The following PAK1 variants were observed in gnomAD, a reference collection of about 807,000 sequenced individuals.
The protein encoded by PAK1 is serine/threonine-protein kinase PAK 1.
A neutral mutation model predicts 67.4 loss-of-function variants in PAK1; 29 were observed. The observed-to-expected ratio is 0.43, with a 90% confidence interval of 0.32 to 0.59. PAK1 has a LOEUF of 0.59. Ranked by LOEUF, PAK1 falls within the 20% of genes least tolerant of loss-of-function variation. PAK1 has a pLI of 0.07. For synonymous variants in PAK1, 223 were observed against 237.4 expected (o/e 0.94, Z 0.56); for missense variants, 337 against 670.7 (o/e 0.50, Z 5.50).
At chr11:77,354,261 C>T (rs115628411) in intron 7 of PAK1, among the ~76,000 whole-genome samples, 1 of 152,266 alleles carries the variant, frequency 6.6e-6, no homozygotes, top group East Asian at 1.9e-4. Context: ...ACTTCCCCCC[C>T]AAGGTCACAC....
chr11:77,352,306 A>T (rs1295622028), intron 8 of PAK1, among the ~76,000 whole-genome samples: 2 of 152,164 alleles, frequency 1.3e-5, no homozygotes, highest in Non-Finnish European at 2.9e-5. Flanking sequence ...ATCAAATGAG[A>T]CAGTATCTGC....
At chr11:77,400,998 T>C (rs141444766) in intron 1 of PAK1, among the ~76,000 whole-genome samples, 1,966 of 152,272 alleles carry the variant, frequency 0.013, 16 homozygotes, top group Non-Finnish European at 0.017. Context: ...ATAGAACCAC[T>C]ACACCACACT....
At chr11:77,475,173 T>C (rs1484577020), upstream of PAK1, 2 of 152,138 alleles carry the variant, frequency 1.3e-5, no homozygotes, top group African/African-American at 2.4e-5. Flanking sequence ...GGCCACCCAT[T>C]CAACAATCCC....
At chr11:77,396,747 A>C (rs141568648) in intron 1 of PAK1, among the ~76,000 whole-genome samples, 2 of 152,204 alleles carry the variant, frequency 1.3e-5, no homozygotes, top group African/African-American at 4.8e-5. Context: ...CACAGAACAC[A>C]ATTTTGTGCT....
intron 1 of PAK1, among the ~76,000 whole-genome samples, chr11:77,420,604 T>C (rs150142807): frequency 4.6e-5 from 7 of 152,324 alleles, no homozygotes; most frequent in Non-Finnish European, 8.8e-5. Flanking sequence ...CATCAGCAAA[T>C]TGTATCAACT....
chr11:77,482,337 G>A, the PAK1 span, among the ~76,000 whole-genome samples: 3 of 152,144 alleles, frequency 2.0e-5, no homozygotes, highest in Admixed American at 6.5e-5. Flanking sequence ...GATTGATAAC[G>A]TTTTCTTGGC....
intron 8 of PAK1, chr11:77,349,627 C>A: frequency 4.0e-6 from 1 of 248,790 alleles, no homozygotes; most frequent in Non-Finnish European, 8.1e-6. Flanking sequence ...TTGATTAGTT[C>A]ATGTAAAGTA....
At chr11:77,456,510 C>A (rs984737482) in intron 1 of PAK1, among the ~76,000 whole-genome samples, 1 of 152,044 alleles carries the variant, frequency 6.6e-6, no homozygotes, top group African/African-American at 2.4e-5. Context: ...TTTGTTTTCA[C>A]AAGGCTTATA....
intron 5 of PAK1, among the ~76,000 whole-genome samples, chr11:77,366,402 C>T (rs1470235886): frequency 6.6e-6 from 1 of 152,122 alleles, no homozygotes; most frequent in East Asian, 1.9e-4. Flanking sequence ...CCAATATATA[C>T]AGTACGTACA....
At chr11:77,325,216 A>AT in intron 14 of PAK1, 1 of 1,283,400 alleles carries the variant, frequency 7.8e-7, no homozygotes, top group South Asian at 1.4e-5. Context: ...AACAGACTAG[A>AT]TGAGCCCTAA....
chr11:77,378,746 C>A (rs1199748966), intron 4 of PAK1, among the ~76,000 whole-genome samples: 1 of 152,118 alleles, frequency 6.6e-6, no homozygotes, highest in Non-Finnish European at 1.5e-5. Flanking sequence ...CACCACCACA[C>A]CCGGCTAATT....
intron 1 of PAK1, among the ~76,000 whole-genome samples, chr11:77,472,885 A>C (rs1957933449): frequency 6.6e-6 from 1 of 152,206 alleles, no homozygotes; most frequent in African/African-American, 2.4e-5. Context: ...TATTCTTCCA[A>C]AACACTCCCA....
At chr11:77,415,616 T>TA (rs200909697) in intron 1 of PAK1, among the ~76,000 whole-genome samples, 64 of 147,972 alleles carry the variant, frequency 4.3e-4, no homozygotes, top group South Asian at 8.6e-4. Context: ...CATAAAAGAT[T>TA]AAAAAAAAAA....
chr11:77,406,291 T>C (rs1177483885), intron 1 of PAK1, among the ~76,000 whole-genome samples: 12 of 152,234 alleles, frequency 7.9e-5, no homozygotes, highest in Admixed American at 7.9e-4. Flanking sequence ...TTCTCATCAG[T>C]ACCTCAAATC....
chr11:77,429,617 C>T (rs1015202707), intron 1 of PAK1, among the ~76,000 whole-genome samples: 1 of 152,208 alleles, frequency 6.6e-6, no homozygotes, highest in Non-Finnish European at 1.5e-5. Flanking sequence ...TTCTATAAAA[C>T]ACCTGCTTTA....
At chr11:77,325,339 G>A (rs747660872) in intron 14 of PAK1, 4 of 1,613,680 alleles carry the variant, frequency 2.5e-6, no homozygotes, top group Non-Finnish European at 3.4e-6. Context: ...AGCTATCATG[G>A]AAAAGTTACT....
intron 14 of PAK1, among the ~76,000 whole-genome samples, chr11:77,327,180 G>C (rs543931688): frequency 6.6e-6 from 1 of 152,294 alleles, no homozygotes; most frequent in South Asian, 2.1e-4. Flanking sequence ...AAAGTGACGG[G>C]GAGAATGGAA....
chr11:77,343,881 A>T lies in PAK1; in HGVS notation c.936T>A (p.Ile312=). 6.2e-7 allele frequency: 1 copy of T among 1,613,684 alleles called. No homozygotes were observed. The highest frequency in any genetic ancestry group is 8.5e-7 in the Non-Finnish European group (1 of 1,179,596). ...NLQQQPKKEL[I]INEILVMREN... ...CCCTCATGACCAGGATCTCATTAAT[A>T]ATCAGCTCTTTCTTGGGCTGCTGCT... The change falls in exon 10 of 15, where the codon ATT becomes ATA. Residue 312 remains isoleucine (I), a synonymous_variant. Coordinates refer to ENST00000356341, the MANE Select transcript of PAK1 (RefSeq NM_002576.5).
At chr11:77,464,399 T>C (rs3019249) in intron 1 of PAK1, among the ~76,000 whole-genome samples, 43,067 of 152,154 alleles carry the variant, frequency 0.28, 6,379 homozygotes, top group Non-Finnish European at 0.32. Flanking sequence ...GTAGGACTTA[T>C]CAAAATCTGC....
Sources: gnomAD v4.1 joint callset for allele counts (sites outside exome capture counted in the v4.1 genomes callset) on GRCh38, gnomAD v4.1.1 for gene constraint, MANE v1.5 for transcripts, NCBI Gene and HGNC (gene_info 2026-07-23, HGNC 2026-07-21) for gene names.